Variants in TRPM1 observed in about 807,000 individuals in gnomAD.
TRPM1 encodes TRPM1-203 APA Isoform, Intron 10.
Under a neutral mutation model 149.4 loss-of-function variants are expected in TRPM1, and 113 were observed. The ratio of observed to expected loss-of-function variants is 0.76; its 90% CI spans 0.65 to 0.88. TRPM1 has a LOEUF of 0.88. Ranked by LOEUF, TRPM1 falls within the 40% of genes least tolerant of loss-of-function variation. The pLI is 0.00. For synonymous variants in TRPM1, 741 were observed against 759.5 expected (o/e 0.98, Z 0.40); for missense variants, 1,976 against 2,038.7 (o/e 0.97, Z 0.59).
chr15:31,015,858 G>T (rs1272030716), intron 27 of TRPM1, among the ~76,000 whole-genome samples: 3 of 152,084 alleles, frequency 2.0e-5, no homozygotes, highest in Non-Finnish European at 4.4e-5. Context: ...TTGAGAATCT[G>T]CCCTCATCTT....
chr15:31,007,958 A>C (rs1254901783), intron 27 of TRPM1, among the ~76,000 whole-genome samples: 2 of 152,226 alleles, frequency 1.3e-5, no homozygotes, highest in Non-Finnish European at 2.9e-5. Flanking sequence ...GAATGGTATT[A>C]TTTTAAAAAT....
At position 31,002,707 on chromosome 15, in the gene TRPM1, C is replaced by T. The variant is rs760563748; in HGVS notation, c.3993G>A (p.Glu1331=). 1.9e-6 allele frequency: 3 copies of T among 1,614,206 alleles called. No individual in the cohort carries two copies. The highest frequency in any genetic ancestry group is 2.2e-5 in the East Asian group (1 of 44,886). The part of the protein sequence containing the change: ...KKTCSFRIKE[E]KDVKTHLVPE... ...GGACTAGGTGCGTTTTCACGTCCTT[C>T]TCTTCCTTTATACGGAAGGAACAGG... Residue 1331 remains glutamate, a synonymous_variant, in exon 28 of 28, where the codon GAG becomes GAA. Coordinates refer to ENST00000256552, the MANE Select transcript of TRPM1 (RefSeq NM_001252024.2).
intron 27 of TRPM1, among the ~76,000 whole-genome samples, chr15:31,017,447 C>G (rs1018774196): frequency 2.0e-4 from 30 of 152,154 alleles, no homozygotes; most frequent in African/African-American, 7.0e-4. Flanking sequence ...TGTCAGTGTT[C>G]CCTTTGAGAT....
intron 1 of TRPM1, among the ~76,000 whole-genome samples, chr15:31,089,245 C>G (rs1316444110): frequency 1.3e-5 from 2 of 152,142 alleles, no homozygotes; most frequent in African/African-American, 2.4e-5. Context: ...GTGTCCCCCA[C>G]TGGGTGGGTT....
chr15:31,152,334 C>A (rs2036313591), intron 1 of TRPM1, among the ~76,000 whole-genome samples: 1 of 152,224 alleles, frequency 6.6e-6, no homozygotes, highest in Non-Finnish European at 1.5e-5. Context: ...TTCAGGAGTT[C>A]TCCCAGGACT....
intron 1 of TRPM1, among the ~76,000 whole-genome samples, chr15:31,148,737 G>T (rs1420090926): frequency 3.3e-5 from 5 of 152,166 alleles, no homozygotes; most frequent in African/African-American, 1.2e-4. Context: ...TTACCCCCTA[G>T]CAAATGTGTG....
At chr15:31,130,586 T>C (rs1206404692) in intron 1 of TRPM1, among the ~76,000 whole-genome samples, 3 of 152,210 alleles carry the variant, frequency 2.0e-5, no homozygotes, top group Admixed American at 6.5e-5. Context: ...AAATTGCTTC[T>C]GGAAATAACA....
chr15:31,081,058 C>T (rs1329371062), intron 2 of TRPM1, among the ~76,000 whole-genome samples: 1 of 151,548 alleles, frequency 6.6e-6, no homozygotes, highest in African/African-American at 2.4e-5. Flanking sequence ...GGCCCCCTGT[C>T]CCCCCCCTTA....
At chr15:31,077,229 T>C (rs75616103) in intron 2 of TRPM1, among the ~76,000 whole-genome samples, 1,618 of 152,288 alleles carry the variant, frequency 0.011, 20 homozygotes, top group African/African-American at 0.026. Flanking sequence ...GTTGAAGATA[T>C]TTTTTGTGCA....
intron 1 of TRPM1, among the ~76,000 whole-genome samples, chr15:31,084,957 G>T (rs1415270933): frequency 6.6e-6 from 1 of 151,716 alleles, no homozygotes; most frequent in Non-Finnish European, 1.5e-5. Context: ...CCAAAGTGCT[G>T]GGATTACAGG....
chr15:31,097,687 G>GA lies in TRPM1; in HGVS notation c.-84+3969dup, dbSNP rs200777739. Among the ~76,000 whole-genome samples the GA allele has an allele frequency of 3.0e-3, 450 of 150,330 alleles. 1 individual carries two copies. The highest frequency in any genetic ancestry group is 0.014 in the East Asian group (71 of 5,152). ...AGTGTAAACGTCTCCATTATGAATTGAAAAAAAAAGCGTAGTAAAATATTT... is the reference window on the plus strand; with the variant it reads ...AGTGTAAACGTCTCCATTATGAATTGAAAAAAAAAAGCGTAGTAAAATATTT... On this transcript the variant is annotated intron_variant, in intron 1 of 27. Transcript: ENST00000256552.
At position 31,032,898 on chromosome 15, in the gene TRPM1, CTT is replaced by C; in HGVS notation, c.2741_2742del (p.Lys914SerfsTer135). 6.2e-7 allele frequency: 1 copy of C among 1,614,194 alleles called. No homozygotes were observed. The highest frequency in any genetic ancestry group is 1.3e-5 in the African/African-American group (1 of 75,054). On this transcript the variant is annotated frameshift_variant, in exon 22 of 28. Transcript: ENST00000256552. LOFTEE classifies it high-confidence loss of function. ...ATGTTCCAGTACTCCTGAAGCCAAA[CTT>C]TGATTTTCTGGCTGAGTTTGCCTGG... ...SEPGKLSQKI[K>X]VWLQEYWNIT... is the part of the protein sequence containing the mutation.
chr15:31,113,821 T>C (rs116778142), intron 1 of TRPM1, among the ~76,000 whole-genome samples: 3,113 of 152,180 alleles, frequency 0.02, 87 homozygotes, highest in African/African-American at 0.058. Context: ...GCAAGATTTA[T>C]TGTGAAGATG....
At chr15:31,006,534 T>A (rs35616506) in intron 27 of TRPM1, among the ~76,000 whole-genome samples, 9,797 of 152,318 alleles carry the variant, frequency 0.064, 367 homozygotes, top group South Asian at 0.12. Flanking sequence ...ATTTGGGTTG[T>A]TTCCATTATT....
intron 18 of TRPM1, among the ~76,000 whole-genome samples, chr15:31,039,661 A>G (rs2033547842): frequency 6.6e-6 from 1 of 152,188 alleles, no homozygotes; most frequent in Non-Finnish European, 1.5e-5. Context: ...ATTTTCTTGT[A>G]ATTTTCTCCC....
intron 1 of TRPM1, among the ~76,000 whole-genome samples, chr15:31,155,950 G>C (rs1367793451): frequency 6.6e-6 from 1 of 151,898 alleles, no homozygotes; most frequent in Non-Finnish European, 1.5e-5. Context: ...TAATCCCAGC[G>C]CTTTGGGAGG....
chr15:31,026,393 C>A, intron 26 of TRPM1, 122 bp from the exon 27 acceptor site: 2 of 1,177,880 alleles, frequency 1.7e-6, no homozygotes, highest in South Asian at 1.3e-5. Context: ...TAAGGCAGTT[C>A]GCCACTACTC....
At position 31,002,629 on chromosome 15, in the gene TRPM1, G is replaced by A. The variant is rs1389304505; in HGVS notation, c.4071C>T (p.Thr1357=). 1 of 1,614,130 alleles carries A rather than the reference G, an allele frequency of 6.2e-7. No individual in the cohort carries two copies. The highest frequency in any genetic ancestry group is 8.5e-7 in the Non-Finnish European group (1 of 1,180,038). Residue 1357 remains threonine, a synonymous_variant, in exon 28 of 28, where the codon ACC becomes ACT. Transcript: ENST00000256552. ...CTACTGCAAGGTGACTGCCATCTGG[G>A]GTTGCTGATGTGCTTGTGCCCAGTG... The part of the protein sequence containing the change: ...HLSLGTSTSA[T]PDGSHLAVDD...
chr15:31,115,912 C>G lies in TRPM1; in HGVS notation c.55-38928G>C, dbSNP rs536015141. 7.2e-5 allele frequency among the ~76,000 whole-genome samples: 11 copies of G among 152,014 alleles called. No homozygotes were observed. The East Asian group carries it at 2.1e-3, about 30-fold the overall frequency. ...AGGCAGATTTGGGGCCTGGTAAGAG[C>G]TTGTGTCTTCATAGACACACCTTTC... On this transcript the variant is annotated intron_variant, in intron 1 of 26. Transcript: ENST00000542188.
Sources: gnomAD v4.1 joint callset for allele counts (sites outside exome capture counted in the v4.1 genomes callset) on GRCh38, gnomAD v4.1.1 for gene constraint, MANE v1.5 for transcripts, NCBI Gene and HGNC (gene_info 2026-07-23, HGNC 2026-07-21) for gene names.